PAK1: variants seen among roughly 807,000 people sequenced by gnomAD.
PAK1 encodes serine/threonine-protein kinase PAK 1.
A neutral mutation model predicts 67.4 loss-of-function variants in PAK1; 29 were observed. The observed-to-expected ratio is 0.43, with a 90% CI of 0.32 to 0.59. The LOEUF (loss-of-function observed/expected upper bound fraction) is 0.59. PAK1 is among the 20% of genes least tolerant of loss of function. PAK1 has a pLI of 0.07. For synonymous variants in PAK1, 223 were observed against 237.4 expected (o/e 0.94, Z 0.56); for missense variants, 337 against 670.7 (o/e 0.50, Z 5.50).
chr11:77,482,516 CT>C, the PAK1 span, among the ~76,000 whole-genome samples: 45 of 152,242 alleles, frequency 3.0e-4, no homozygotes, highest in Non-Finnish European at 4.3e-4. Flanking sequence ...TTAACACTCA[CT>C]GATCATTCCT....
chr11:77,509,100 T>C, the PAK1 span, among the ~76,000 whole-genome samples: 1 of 151,030 alleles, frequency 6.6e-6, no homozygotes, highest in Non-Finnish European at 1.5e-5. Context: ...CTACTAAAAA[T>C]ACAAAAAATT....
At chr11:77,427,803 G>A (rs560551852) in intron 1 of PAK1, among the ~76,000 whole-genome samples, 1 of 152,334 alleles carries the variant, frequency 6.6e-6, no homozygotes, top group East Asian at 1.9e-4. Context: ...AGGTCAGAGA[G>A]GTTTCACCAG....
intron 5 of PAK1, among the ~76,000 whole-genome samples, chr11:77,361,516 A>G (rs1444611992): frequency 1.3e-5 from 2 of 152,218 alleles, no homozygotes; most frequent in African/African-American, 4.8e-5. Flanking sequence ...TAGACCTAGA[A>G]TAAGAAACCA....
At chr11:77,421,992 T>C (rs1170803248) in intron 1 of PAK1, among the ~76,000 whole-genome samples, 5 of 152,204 alleles carry the variant, frequency 3.3e-5, no homozygotes, top group Non-Finnish European at 7.3e-5. Context: ...CCAGCTTAAA[T>C]GTCACCACTT....
intron 8 of PAK1, among the ~76,000 whole-genome samples, chr11:77,352,570 G>T (rs186117097): frequency 6.6e-5 from 10 of 152,174 alleles, no homozygotes. Flanking sequence ...CTACAGTAGC[G>T]TACACAGTAA....
At chr11:77,351,713 A>C (rs1208226398) in intron 8 of PAK1, among the ~76,000 whole-genome samples, 1 of 152,024 alleles carries the variant, frequency 6.6e-6, no homozygotes, top group Non-Finnish European at 1.5e-5. Flanking sequence ...ATATTATGCA[A>C]TCTTTTATTT....
intron 2 of PAK1, among the ~76,000 whole-genome samples, chr11:77,391,994 A>T (rs953208902): frequency 1.1e-4 from 16 of 152,178 alleles, no homozygotes; most frequent in Admixed American, 8.5e-4. Flanking sequence ...ACTCGGGGGG[A>T]AAAAAATTCC....
chr11:77,369,869 T>A (rs571916929), intron 5 of PAK1, among the ~76,000 whole-genome samples: 3 of 152,314 alleles, frequency 2.0e-5, no homozygotes, highest in South Asian at 2.1e-4. Context: ...TAGATTTTTT[T>A]AAAAGTTATT....
chr11:77,501,012 G>A, the PAK1 span, among the ~76,000 whole-genome samples: 1 of 151,956 alleles, frequency 6.6e-6, no homozygotes, highest in Non-Finnish European at 1.5e-5. Context: ...TTAGCCGGGC[G>A]TGGTGGCAGG....
the PAK1 span, among the ~76,000 whole-genome samples, chr11:77,486,459 C>T: frequency 6.6e-6 from 1 of 152,208 alleles, no homozygotes; most frequent in Admixed American, 6.5e-5. Context: ...AAAAAATCAC[C>T]TTCATAACAA....
At chr11:77,487,885 C>T in the PAK1 span, among the ~76,000 whole-genome samples, 141 of 152,272 alleles carry the variant, frequency 9.3e-4, 1 homozygote, top group Non-Finnish European at 1.8e-4. Context: ...GGACACAAGC[C>T]TGGCTGGCTT....
chr11:77,393,284 AAAG>A (rs1203818755), intron 1 of PAK1, among the ~76,000 whole-genome samples: 6 of 129,536 alleles, frequency 4.6e-5, no homozygotes, highest in African/African-American at 9.5e-5. Context: ...TTAAAAAAAA[AAAG>A]AGAGAGAGAG....
chr11:77,486,890 C>T, the PAK1 span, among the ~76,000 whole-genome samples: 1 of 152,186 alleles, frequency 6.6e-6, no homozygotes, highest in African/African-American at 2.4e-5. Context: ...ACTGCAATTC[C>T]TCGGCAAGTC....
At chr11:77,343,745 C>G in intron 10 of PAK1, 74 bp downstream of exon 10, 1 of 872,390 alleles carries the variant, frequency 1.1e-6, no homozygotes, top group Non-Finnish European at 2.0e-6. Flanking sequence ...CTGGCACTGC[C>G]CTCTTCTCTA....
intron 2 of PAK1, among the ~76,000 whole-genome samples, chr11:77,382,278 T>C (rs1949935961): frequency 6.6e-6 from 1 of 152,176 alleles, no homozygotes; most frequent in Non-Finnish European, 1.5e-5. Flanking sequence ...TGAAATCATT[T>C]AATACATGAA....
chr11:77,510,805 G>A, the PAK1 span, among the ~76,000 whole-genome samples: 1 of 152,022 alleles, frequency 6.6e-6, no homozygotes, highest in Non-Finnish European at 1.5e-5. Flanking sequence ...CTTATTTTGT[G>A]GATGCATCAT....
the PAK1 span, among the ~76,000 whole-genome samples, chr11:77,527,081 A>C: frequency 1.3e-5 from 2 of 152,164 alleles, no homozygotes; most frequent in Non-Finnish European, 2.9e-5. Context: ...GTGGATTGGT[A>C]TAAGGTAGTT....
intron 14 of PAK1, among the ~76,000 whole-genome samples, chr11:77,331,792 TAAA>T (rs1941594621): frequency 7.3e-6 from 1 of 137,768 alleles, no homozygotes; most frequent in Non-Finnish European, 1.6e-5. Flanking sequence ...ATAATAATAA[TAAA>T]ATGTAAAAAA....
the PAK1 span, among the ~76,000 whole-genome samples, chr11:77,494,453 C>G: frequency 6.6e-6 from 1 of 152,098 alleles, no homozygotes; most frequent in East Asian, 1.9e-4. Context: ...GTATCGAACT[C>G]CTGGGCTCAA....
Sources: gnomAD v4.1 joint callset for allele counts (sites outside exome capture counted in the v4.1 genomes callset) on GRCh38, gnomAD v4.1.1 for gene constraint, MANE v1.5 for transcripts, NCBI Gene and HGNC (gene_info 2026-07-23, HGNC 2026-07-21) for gene names.